CHD6: variants seen among roughly 807,000 people sequenced by gnomAD.
The protein encoded by CHD6 is ATP-dependent chromatin remodeler CHD6.
A neutral mutation model predicts 276.9 loss-of-function variants in CHD6; 50 were observed. That is an observed-to-expected ratio of 0.18 (90% CI 0.14 to 0.23). CHD6 has a LOEUF of 0.23. Among genes scored for constraint, CHD6 ranks in the 10% least tolerant of loss-of-function variants. The pLI, the probability that CHD6 is intolerant of heterozygous loss-of-function variation, is 1.00. For synonymous variants in CHD6, 1,173 were observed against 1,229.3 expected, an observed-to-expected ratio of 0.95 and a Z score of 0.96; for missense variants, 2,564 against 3,365.8, an observed-to-expected ratio of 0.76 and a Z score of 5.89.
intron 25 of CHD6, among the ~76,000 whole-genome samples, chr20:41,440,714 G>A (rs2047875015): frequency 6.6e-6 from 1 of 152,072 alleles, no homozygotes; most frequent in African/African-American, 2.4e-5. Flanking sequence ...CCAGAAGAGG[G>A]GCCTCAAAAA....
rs775593313 is a variant in CHD6 at position 41,533,098 on chromosome 20, T to C, written c.506A>G (p.Lys169Arg). ...EASGTKEAKE[K>R]RSCTDSAART... ...GGCTGCAGAGTCAGTGCAGCTCCTCTTCTCTTTGGCCTCCTTGGTGCCCGA... is the reference window on the plus strand; with the variant it reads ...GGCTGCAGAGTCAGTGCAGCTCCTCCTCTCTTTGGCCTCCTTGGTGCCCGA... Residue 169 changes from lysine (K) to arginine (R), a missense_variant, in exon 3 of 37, where the codon AAG (lysine) becomes AGG (arginine). Physicochemically the swap from Lys to Arg is conservative, Grantham distance 26 (BLOSUM62 2). Transcript: ENST00000373233. 1.2e-6 allele frequency: 2 copies of C among 1,612,392 alleles called. No homozygotes were observed. The highest frequency in any genetic ancestry group is 1.1e-5 in the South Asian group (1 of 90,806).
chr20:41,590,766 T>C (rs1226334614), intron 1 of CHD6, among the ~76,000 whole-genome samples: 2 of 152,016 alleles, frequency 1.3e-5, no homozygotes, highest in Non-Finnish European at 2.9e-5. Context: ...TTGGTGGGAC[T>C]GTAAACTGGT....
chr20:41,579,669 C>G (rs891148623), intron 1 of CHD6, among the ~76,000 whole-genome samples: 21 of 152,096 alleles, frequency 1.4e-4, no homozygotes, highest in Admixed American at 1.4e-3. Context: ...GGTGTGCTTT[C>G]CACTAAGCAA....
intron 8 of CHD6, 198 bp downstream of exon 8, chr20:41,497,186 G>A (rs1302963591): frequency 3.6e-6 from 2 of 555,226 alleles, no homozygotes; most frequent in Admixed American, 6.0e-5. Flanking sequence ...CAGTTTATAA[G>A]GTTTGATCCT....
chr20:41,498,971 G>C (rs2043764487), intron 6 of CHD6, among the ~76,000 whole-genome samples: 1 of 151,880 alleles, frequency 6.6e-6, no homozygotes, highest in South Asian at 2.1e-4. Flanking sequence ...CAATGAACCT[G>C]GCCTCTATTA....
At chr20:41,572,320 T>C (rs1250311002) in intron 1 of CHD6, among the ~76,000 whole-genome samples, 1 of 152,196 alleles carries the variant, frequency 6.6e-6, no homozygotes, top group Non-Finnish European at 1.5e-5. Context: ...TGGGGACATA[T>C]GGTAGTGTTC....
chr20:41,490,145 C>T, intron 11 of CHD6, 124 bp from the exon 12 acceptor site: 2 of 833,744 alleles, frequency 2.4e-6, no homozygotes, highest in Non-Finnish European at 3.8e-6. Flanking sequence ...ATCATCATTT[C>T]ACATATTAAA....
At chr20:41,412,677 C>T (rs540258236) in intron 35 of CHD6, among the ~76,000 whole-genome samples, 33 of 152,310 alleles carry the variant, frequency 2.2e-4, no homozygotes, top group African/African-American at 7.2e-4. Flanking sequence ...TCTCTACCTA[C>T]ATATCTTATT....
At chr20:41,439,887 T>C in intron 26 of CHD6, 113 bp downstream of exon 26, 1 of 1,091,456 alleles carries the variant, frequency 9.2e-7, no homozygotes, top group South Asian at 1.5e-5. Flanking sequence ...TGGCAAGGTG[T>C]AGGGAGATGC....
At chr20:41,545,165 T>C (rs59743639) in intron 2 of CHD6, among the ~76,000 whole-genome samples, 8,164 of 152,162 alleles carry the variant, frequency 0.054, 757 homozygotes, top group African/African-American at 0.19. Context: ...GGTCCAGCAA[T>C]AGACACATTT....
chr20:41,588,264 T>C (rs1314930049), intron 1 of CHD6, among the ~76,000 whole-genome samples: 2 of 152,180 alleles, frequency 1.3e-5, no homozygotes, highest in African/African-American at 2.4e-5. Context: ...CTCAGTGTCA[T>C]ACAACAATAA....
rs2043098122 is a variant in CHD6 at position 41,473,286 on chromosome 20, G to A, written c.2664+36C>T. On this transcript the variant is annotated intron_variant, in intron 17 of 36. Transcript: ENST00000373233. The surrounding 1 kb of genome is among the most constrained non-coding windows in gnomAD (Gnocchi z 4.1). ...CTATCATGATGTTCTGGGATCCAGGGCAGCTAAGGTAAACAGCAATCATCC... is the reference window on the plus strand; with the variant it reads ...CTATCATGATGTTCTGGGATCCAGGACAGCTAAGGTAAACAGCAATCATCC... The A allele has an allele frequency of 1.9e-6, 3 of 1,596,620 alleles. No homozygotes were observed. The highest frequency in any genetic ancestry group is 2.7e-5 in the African/African-American group (2 of 74,656).
At chr20:41,481,590 A>G (rs966235774) in intron 16 of CHD6, among the ~76,000 whole-genome samples, 6 of 152,122 alleles carry the variant, frequency 3.9e-5, no homozygotes, top group African/African-American at 1.2e-4. Flanking sequence ...TTCTCATATG[A>G]TATTTTGGAA....
chr20:41,553,431 T>C (rs551578110), intron 1 of CHD6, among the ~76,000 whole-genome samples: 44 of 152,260 alleles, frequency 2.9e-4, no homozygotes, highest in African/African-American at 9.4e-4. Context: ...TTCCAGCTCA[T>C]AGCCTATGCC....
chr20:41,484,665 G>T, intron 14 of CHD6, 58 bp from the exon 15 acceptor site: 1 of 1,569,666 alleles, frequency 6.4e-7, no homozygotes, highest in South Asian at 1.1e-5. Flanking sequence ...CGATTACTGG[G>T]GTATTCCAAC....
intron 2 of CHD6, among the ~76,000 whole-genome samples, chr20:41,546,130 TTAA>T (rs2045036314): frequency 6.9e-6 from 1 of 145,640 alleles, no homozygotes; most frequent in Non-Finnish European, 1.5e-5. Flanking sequence ...TGAACTAGTA[TTAA>T]TAAATTAATG....
intron 18 of CHD6, among the ~76,000 whole-genome samples, chr20:41,457,055 A>G (rs904212166): frequency 7.2e-5 from 11 of 152,180 alleles, no homozygotes; most frequent in African/African-American, 2.4e-4. Flanking sequence ...CCTACCTCAT[A>G]ACTGCTTCTA....
intron 1 of CHD6, among the ~76,000 whole-genome samples, chr20:41,589,009 C>G (rs7267678): frequency 0.033 from 4,966 of 152,240 alleles, 119 homozygotes; most frequent in South Asian, 0.068. Context: ...CATCAAAAAG[C>G]TTATCCACCA....
At chr20:41,513,107 A>T (rs2145966341) in intron 4 of CHD6, 112 bp from the exon 5 acceptor site, 2 of 1,162,812 alleles carry the variant, frequency 1.7e-6, no homozygotes, top group Middle Eastern at 2.0e-4. Context: ...TTCTTGCCTT[A>T]CAAAAGAAAT....
Sources: gnomAD v4.1 joint callset for allele counts (sites outside exome capture counted in the v4.1 genomes callset) on GRCh38, gnomAD v4.1.1 for gene constraint, Gnocchi (gnomAD v3.1) non-coding constraint, MANE v1.5 for transcripts, NCBI Gene and HGNC (gene_info 2026-07-23, HGNC 2026-07-21) for gene names.